Variants in ALX3 observed in about 807,000 individuals in gnomAD.
The protein encoded by ALX3 is homeobox protein aristaless-like 3.
Under a neutral mutation model 26.3 loss-of-function variants are expected in ALX3, and 17 were observed. The observed-to-expected ratio is 0.65, with a 90% CI of 0.44 to 0.97. ALX3 has a LOEUF of 0.97. Among genes scored for constraint, ALX3 ranks in the 50% least tolerant of loss-of-function variants. The probability of loss-of-function intolerance (pLI) is 0.00; values close to 1 mark genes in which losing one functional copy is unlikely to be tolerated. For synonymous variants in ALX3, 208 were observed against 201.4 expected, an observed-to-expected ratio of 1.03 and a Z score of -0.28; for missense variants, 461 against 466.5, an observed-to-expected ratio of 0.99 and a Z score of 0.11.
rs1486436558 is a variant in ALX3 at position 110,064,642 on chromosome 1, ACAT to A, written c.536_538del (p.Asp179del). The A allele has an allele frequency of 1.1e-5, 17 of 1,614,194 alleles. No homozygotes were observed. Among genetic ancestry groups the A allele is most frequent in the Non-Finnish European group, 1.4e-5 (17 of 1,180,038 alleles). ...CAGGGCCAGCTGCTCCCGGGCATACACATCAGGATAGTGGGTTTTCTGGAAGAC... is the reference window on the plus strand; with the variant it reads ...CAGGGCCAGCTGCTCCCGGGCATACACAGGATAGTGGGTTTTCTGGAAGAC... On this transcript the variant is annotated inframe_deletion, in exon 2 of 4. Coordinates refer to ENST00000647563, the MANE Select transcript of ALX3 (RefSeq NM_006492.3).
At chr1:110,067,569 C>T (rs1271904090) in intron 1 of ALX3, among the ~76,000 whole-genome samples, 1 of 152,232 alleles carries the variant, frequency 6.6e-6, no homozygotes, top group African/African-American at 2.4e-5. Context: ...GCTTCTAAGC[C>T]ACTGTGCAGC....
chr1:110,069,401 A>C (rs1033116766), intron 1 of ALX3, among the ~76,000 whole-genome samples: 2 of 152,208 alleles, frequency 1.3e-5, no homozygotes, highest in Non-Finnish European at 1.5e-5. Flanking sequence ...AGCGCAGATA[A>C]GGTGGGTGCA....
intron 3 of ALX3, 157 bp downstream of exon 3, chr1:110,061,278 T>C (rs924316524): frequency 7.9e-7 from 1 of 1,266,262 alleles, no homozygotes; most frequent in South Asian, 1.4e-5. Context: ...GCGTCATTCA[T>C]GAGACAGGCA....
rs551137303 is a variant in ALX3, at chr1:110,067,724, C to T, written c.277+2612G>A. Among the ~76,000 whole-genome samples the T allele has an allele frequency of 3.4e-4, 52 of 152,368 alleles. 1 individual carries two copies. In the East Asian group the frequency reaches 0.01, roughly 29 times the overall value. On this transcript the variant is annotated intron_variant, in intron 1 of 3. Transcript: ENST00000647563. ...GTTTCCTCCGGCCACTGTGGGGTCACTAAGCGACCTGCAGAACTCGCTGAG... is the reference window on the plus strand; with the variant it reads ...GTTTCCTCCGGCCACTGTGGGGTCATTAAGCGACCTGCAGAACTCGCTGAG...
rs1265580905 is a variant in ALX3, at chr1:110,064,808, G to A, written c.373C>T (p.Pro125Ser). The A allele has an allele frequency of 6.2e-7, 1 of 1,613,990 alleles. No individual in the cohort carries two copies. The change falls in exon 2 of 4, where the codon CCA becomes TCA. Residue 125 changes from proline to serine, a missense_variant. By Grantham distance (74) the Pro-to-Ser change is moderately conservative (BLOSUM62 -1). Transcript: ENST00000647563. ...RDGPSNLQGS[P>S]GPCLASLHLP... is the part of the protein sequence containing the mutation. ...TGCAGGCTGGCCAGGCAGGGGCCTGGGGAGCCTTGCAAGTTAGAGGGCCCG... is the reference window on the plus strand; with the variant it reads ...TGCAGGCTGGCCAGGCAGGGGCCTGAGGAGCCTTGCAAGTTAGAGGGCCCG...
At chr1:110,067,483 C>A (rs933343820) in intron 1 of ALX3, among the ~76,000 whole-genome samples, 1 of 152,178 alleles carries the variant, frequency 6.6e-6, no homozygotes, top group Admixed American at 6.5e-5. Context: ...GCTCTCTGTC[C>A]CTGACCCAGC....
At position 110,061,381 on chromosome 1, in the gene ALX3, T is replaced by C. The variant is rs897926893; in HGVS notation, c.723+54A>G. 9.9e-6 allele frequency: 16 copies of C among 1,613,218 alleles called. No individual in the cohort carries two copies. The Admixed American group carries it at 1.2e-4, about 12-fold the overall frequency. On this transcript the variant is annotated intron_variant, in intron 3 of 3. Transcript: ENST00000647563. ...CCAGGTTTCTTCAGGCCAGACCTCATATTCTTTTTGGTGACCCTGCCAGGT... is the reference window on the plus strand; with the variant it reads ...CCAGGTTTCTTCAGGCCAGACCTCACATTCTTTTTGGTGACCCTGCCAGGT...
intron 1 of ALX3, among the ~76,000 whole-genome samples, chr1:110,067,360 C>T (rs1338215829): frequency 2.0e-5 from 3 of 152,212 alleles, no homozygotes; most frequent in African/African-American, 7.2e-5. Context: ...GCGGGGTACT[C>T]ATGTTGGAGA....
intron 2 of ALX3, among the ~76,000 whole-genome samples, chr1:110,063,019 C>T (rs554487148): frequency 2.6e-5 from 4 of 152,310 alleles, no homozygotes; most frequent in East Asian, 1.9e-4. Flanking sequence ...CATTCTTCCT[C>T]TCCATAGGGC....
rs182640689 is a variant in ALX3 at position 110,062,713 on chromosome 1, A to T, written c.595-1150T>A. 8.3e-4 allele frequency among the ~76,000 whole-genome samples: 126 copies of T among 151,178 alleles called. 1 individual carries two copies. The highest frequency in any genetic ancestry group is 2.9e-3 in the African/African-American group (120 of 40,994). ...CATGGTCATTCCTACACATGCAGGC[A>T]GGTAAGGCACCAACAGTGAAGGGGC... On this transcript the variant is annotated intron_variant, in intron 2 of 3. Transcript: ENST00000647563.
chr1:110,061,358 A>T (rs1653638536), intron 3 of ALX3, 77 bp downstream of exon 3: 1 of 1,606,914 alleles, frequency 6.2e-7, no homozygotes, highest in African/African-American at 1.3e-5. Context: ...GACGCTCTCC[A>T]GGTTTCTTCA....
At chr1:110,067,633 T>C (rs1653820454) in intron 1 of ALX3, among the ~76,000 whole-genome samples, 1 of 152,154 alleles carries the variant, frequency 6.6e-6, no homozygotes. Context: ...ACAGAAGGCA[T>C]CCATTGAGAC....
chr1:110,061,286 G>T, intron 3 of ALX3, 149 bp downstream of exon 3: 1 of 1,313,258 alleles, frequency 7.6e-7, no homozygotes, highest in Non-Finnish European at 1.1e-6. Flanking sequence ...CATGAGACAG[G>T]CAAGAGCCCC....
chr1:110,064,120 C>T (rs1365400788), intron 2 of ALX3, among the ~76,000 whole-genome samples: 3 of 152,122 alleles, frequency 2.0e-5, no homozygotes, highest in Non-Finnish European at 4.4e-5. Context: ...GACCTCCTGA[C>T]AGGGACCCTC....
chr1:110,061,182 C>G, intron 3 of ALX3, 141 bp from the exon 4 acceptor site: 1 of 1,087,016 alleles, frequency 9.2e-7, no homozygotes, highest in Non-Finnish European at 1.3e-6. Context: ...CCCTCTCACC[C>G]CCAACACTGG....
intron 1 of ALX3, among the ~76,000 whole-genome samples, chr1:110,070,126 C>T (rs570807400): frequency 1.3e-5 from 2 of 152,270 alleles, no homozygotes; most frequent in African/African-American, 4.8e-5. Flanking sequence ...CGCCGAGGAA[C>T]GGTGGTTCAC....
Position 110,062,646 on chromosome 1 carries a change from G to GTGTGTGTGTGTGTGTGTGTGTGTC in ALX3, c.595-1084_595-1083insGACACACACACACACACACACACA. The GTGTGTGTGTGTGTGTGTGTGTGTC allele has an allele frequency of 4.1e-4, 52 of 126,342 alleles. 2 individuals carry two copies. The highest frequency in any genetic ancestry group is 1.3e-3 in the African/African-American group (46 of 35,350). 7.8% of individuals were successfully genotyped at this position (126,342 alleles called of 1,614,324 possible). ...GTGTGTGTGTGTGTGTGTGTGTGTG[G>GTGTGTGTGTGTGTGTGTGTGTGTC]AGTAATCCGTCTACCCCAGCTGGGA... On this transcript the variant is annotated intron_variant, in intron 2 of 3. Coordinates refer to ENST00000647563, the MANE Select transcript of ALX3 (RefSeq NM_006492.3).
At chr1:110,061,866 G>T (rs1173957662) in intron 2 of ALX3, 3 of 451,078 alleles carry the variant, frequency 6.7e-6, no homozygotes, top group Non-Finnish European at 1.2e-5. Flanking sequence ...GCATCTGTGG[G>T]CCTCAGGGGC....
intron 1 of ALX3, among the ~76,000 whole-genome samples, chr1:110,069,859 G>A (rs116789806): frequency 0.01 from 1,526 of 152,208 alleles, 11 homozygotes; most frequent in South Asian, 0.041. Flanking sequence ...AGCCGACCCC[G>A]ATTTGACCAC....
Sources: gnomAD v4.1 joint callset for allele counts (sites outside exome capture counted in the v4.1 genomes callset) on GRCh38, gnomAD v4.1.1 for gene constraint, MANE v1.5 for transcripts, NCBI Gene and HGNC (gene_info 2026-07-23, HGNC 2026-07-21) for gene names.